The following EBF2 variants were observed in gnomAD, a reference collection of about 807,000 sequenced individuals.
EBF2 encodes the protein transcription factor COE2.
A neutral mutation model predicts 72.8 loss-of-function variants in EBF2; 21 were observed. That is an observed-to-expected ratio of 0.29 (90% CI 0.20 to 0.42). EBF2 has a LOEUF of 0.42. Ranked by LOEUF, EBF2 falls within the 10% of genes least tolerant of loss-of-function variation. EBF2 has a pLI of 1.00. For synonymous variants in EBF2, 299 were observed against 274.2 expected (o/e 1.09, Z -0.89); for missense variants, 637 against 731.2 (o/e 0.87, Z 1.49).
At chr8:25,903,624 G>C (rs1802990823) in intron 7 of EBF2, among the ~76,000 whole-genome samples, 1 of 152,198 alleles carries the variant, frequency 6.6e-6, no homozygotes. Flanking sequence ...GTGAATCCGG[G>C]AGGCGGAGTT....
chr8:25,886,610 C>A, intron 10 of EBF2, 145 bp downstream of exon 10: 1 of 943,024 alleles, frequency 1.1e-6, no homozygotes, highest in East Asian at 2.8e-5. Context: ...TTCACATCAC[C>A]ATTCAACATC....
chr8:26,033,233 T>C, intron 5 of EBF2, 80 bp from the exon 6 acceptor site: 1 of 1,419,302 alleles, frequency 7.0e-7, no homozygotes, highest in South Asian at 1.2e-5. Context: ...AAGAACATTT[T>C]TTCCCCCCAG....
At chr8:25,991,114 T>TAAA (rs142216047) in intron 6 of EBF2, among the ~76,000 whole-genome samples, 2 of 150,760 alleles carry the variant, frequency 1.3e-5, no homozygotes, top group Non-Finnish European at 3.0e-5. Flanking sequence ...GTGAAAAAAA[T>TAAA]AAAAAAAAAG....
intron 10 of EBF2, among the ~76,000 whole-genome samples, chr8:25,867,429 G>A (rs1802352890): frequency 6.6e-6 from 1 of 152,136 alleles, no homozygotes; most frequent in Non-Finnish European, 1.5e-5. Context: ...TAACATTTGA[G>A]ACCGCTCATA....
At chr8:26,012,087 C>G (rs1166415716) in intron 6 of EBF2, among the ~76,000 whole-genome samples, 2 of 152,094 alleles carry the variant, frequency 1.3e-5, no homozygotes, top group African/African-American at 4.8e-5. Flanking sequence ...GAATCATGCC[C>G]TGTTTATTTT....
intron 6 of EBF2, among the ~76,000 whole-genome samples, chr8:25,943,820 T>C (rs1803720456): frequency 6.6e-6 from 1 of 152,144 alleles, no homozygotes; most frequent in South Asian, 2.1e-4. Flanking sequence ...ATTTGGAACG[T>C]CATTTTCCTC....
At chr8:25,968,994 TA>T (rs1563195795) in intron 6 of EBF2, among the ~76,000 whole-genome samples, 3 of 151,902 alleles carry the variant, frequency 2.0e-5, no homozygotes, top group African/African-American at 7.3e-5. Context: ...ATAATTTTTT[TA>T]AAAAACTTAA....
intron 7 of EBF2, 117 bp downstream of exon 7, chr8:25,908,357 T>TAAAAAA: frequency 1.4e-6 from 1 of 732,404 alleles, no homozygotes. Flanking sequence ...TTGTCTTTTT[T>TAAAAAA]ATTGTTAGGA....
At chr8:26,007,047 GA>G (rs1804894774) in intron 6 of EBF2, among the ~76,000 whole-genome samples, 1 of 152,232 alleles carries the variant, frequency 6.6e-6, no homozygotes, top group Non-Finnish European at 1.5e-5. Context: ...CAAAGGAATT[GA>G]TGGAGGTAAT....
chr8:25,960,912 C>T (rs1398653907), intron 6 of EBF2, among the ~76,000 whole-genome samples: 1 of 152,142 alleles, frequency 6.6e-6, no homozygotes, highest in Non-Finnish European at 1.5e-5. Flanking sequence ...GAGAATAATG[C>T]TACTGATATA....
At chr8:25,855,537 G>T (rs897578154) in intron 14 of EBF2, among the ~76,000 whole-genome samples, 1 of 152,082 alleles carries the variant, frequency 6.6e-6, no homozygotes, top group Non-Finnish European at 1.5e-5. Flanking sequence ...AGTGTCTCTG[G>T]CAAGTATTTG....
intron 6 of EBF2, among the ~76,000 whole-genome samples, chr8:25,931,694 T>C (rs1211786717): frequency 6.6e-6 from 1 of 152,204 alleles, no homozygotes. Flanking sequence ...TTTGTTCGCA[T>C]TTCAGTCTTC....
chr8:26,015,186 G>A (rs1448122364), intron 6 of EBF2, among the ~76,000 whole-genome samples: 2 of 152,032 alleles, frequency 1.3e-5, no homozygotes, highest in African/African-American at 4.8e-5. Flanking sequence ...TTTTGTGATG[G>A]GTAGGCCAAG....
intron 6 of EBF2, among the ~76,000 whole-genome samples, chr8:25,922,944 A>G (rs1166448706): frequency 7.0e-6 from 1 of 143,324 alleles, no homozygotes; most frequent in Admixed American, 7.1e-5. Context: ...ATGGAATACA[A>G]CTACTAAAGG....
At chr8:25,976,555 A>T (rs1380896780) in intron 6 of EBF2, among the ~76,000 whole-genome samples, 1 of 152,134 alleles carries the variant, frequency 6.6e-6, no homozygotes, top group East Asian at 1.9e-4. Context: ...TTTCTTCTTT[A>T]CTTATTTGTT....
At position 25,985,645 on chromosome 8, in the gene EBF2, T is replaced by G. The variant is rs534335242; in HGVS notation, c.551+47440A>C. 3.2e-4 allele frequency among the ~76,000 whole-genome samples: 48 copies of G among 152,278 alleles called. No homozygotes were observed. The South Asian group carries it at 8.3e-3, about 26-fold the overall frequency. On this transcript the variant is annotated intron_variant, in intron 6 of 15. Coordinates refer to ENST00000520164, the MANE Select transcript of EBF2 (RefSeq NM_022659.4). Reference sequence around the variant, plus strand: ...CTGACATTCACTGAAAGATTATTCATGGTCCAGCCAGGAGAGGAGAAATTG... The same window carrying G: ...CTGACATTCACTGAAAGATTATTCAGGGTCCAGCCAGGAGAGGAGAAATTG...
chr8:26,014,015 C>A (rs1805069289), intron 6 of EBF2, among the ~76,000 whole-genome samples: 2 of 152,140 alleles, frequency 1.3e-5, no homozygotes, highest in Non-Finnish European at 2.9e-5. Context: ...TCGTCTGTTT[C>A]CAACAATTAT....
rs766651109 is a variant in EBF2 at position 25,887,953 on chromosome 8, G to A, written c.771C>T (p.Ala257=). The change falls in exon 9 of 16, where the codon GCC becomes GCT. Residue 257 remains alanine, a synonymous_variant. Transcript: ENST00000520164. ...DPSEATPCIK[A]ISPSEGWTTG... ...TGGTCCAGCCTTCACTCGGGCTAATGGCTTTGATGCAGGGGGTAGCTAAGA... is the reference window on the plus strand; with the variant it reads ...TGGTCCAGCCTTCACTCGGGCTAATAGCTTTGATGCAGGGGGTAGCTAAGA... The A allele has an allele frequency of 4.3e-6, 7 of 1,612,706 alleles. No homozygotes were observed. The highest frequency in any genetic ancestry group is 5.9e-6 in the Non-Finnish European group (7 of 1,179,516).
intron 7 of EBF2, among the ~76,000 whole-genome samples, chr8:25,890,887 G>T (rs998961872): frequency 6.6e-6 from 1 of 152,230 alleles, no homozygotes; most frequent in Admixed American, 6.5e-5. Context: ...TACTCAACCT[G>T]TAATACATAT....
Sources: allele counts gnomAD v4.1 joint callset (sites outside exome capture counted in the v4.1 genomes callset), GRCh38; gene constraint gnomAD v4.1.1; transcripts MANE v1.5; gene names NCBI Gene and HGNC (gene_info 2026-07-23, HGNC 2026-07-21).